TEN1: variants seen among roughly 807,000 people sequenced by gnomAD.
The protein encoded by TEN1 is CST complex subunit TEN1.
Under a neutral mutation model 9.3 loss-of-function variants are expected in TEN1, and 6 were observed. The observed-to-expected ratio is 0.65, with a 90% CI of 0.35 to 1.27. The LOEUF (loss-of-function observed/expected upper bound fraction) is 1.27, where lower values mean the gene tolerates loss of function less well. Among genes scored for constraint, TEN1 ranks in the 50% most tolerant of loss-of-function variants. TEN1 has a pLI of 0.03. For synonymous variants in TEN1, 65 were observed against 65.6 expected, an observed-to-expected ratio of 0.99 and a Z score of 0.04; for missense variants, 149 against 158.2, an observed-to-expected ratio of 0.94 and a Z score of 0.31.
intron 1 of TEN1, among the ~76,000 whole-genome samples, chr17:75,982,957 C>T (rs1160800837): frequency 6.9e-5 from 10 of 144,444 alleles, no homozygotes; most frequent in South Asian, 2.4e-4. Context: ...GTGATCTGCC[C>T]GCCTTGGCTC....
chr17:75,998,254 A>C (rs1598217915), intron 3 of TEN1, among the ~76,000 whole-genome samples: 1 of 122,078 alleles, frequency 8.2e-6, no homozygotes, highest in African/African-American at 3.3e-5. Context: ...TGCGACATCC[A>C]CCTCCCCGGT....
intron 3 of TEN1, among the ~76,000 whole-genome samples, chr17:75,995,149 A>T (rs1051314587): frequency 6.6e-6 from 1 of 151,450 alleles, no homozygotes; most frequent in Non-Finnish European, 1.5e-5. Flanking sequence ...TGAGTCCAGG[A>T]GTTCAAGGTT....
intron 3 of TEN1, among the ~76,000 whole-genome samples, chr17:75,997,806 G>A (rs2066226424): frequency 6.6e-6 from 1 of 151,226 alleles, no homozygotes; most frequent in South Asian, 2.1e-4. Context: ...ACTGCATTCT[G>A]ACTGCTTTTT....
chr17:75,979,580 C>G (rs1216829681), intron 1 of TEN1, 69 bp downstream of exon 1: 2 of 242,338 alleles, frequency 8.3e-6, no homozygotes, highest in East Asian at 1.2e-4. Context: ...CACTTGCCCC[C>G]CTCTTACCCC....
intron 3 of TEN1, among the ~76,000 whole-genome samples, chr17:75,993,573 G>A (rs372663837): frequency 3.9e-4 from 59 of 152,298 alleles, no homozygotes; most frequent in African/African-American, 1.3e-3. Flanking sequence ...GGAGGGACCC[G>A]CCAGCAGTGC....
intron 3 of TEN1, among the ~76,000 whole-genome samples, chr17:75,994,135 T>C (rs1027845074): frequency 6.6e-6 from 1 of 151,172 alleles, no homozygotes; most frequent in Admixed American, 6.6e-5. Flanking sequence ...GTGGGGTTTT[T>C]TCTTAAAACA....
intron 1 of TEN1, among the ~76,000 whole-genome samples, chr17:75,981,705 A>G (rs1295135565): frequency 6.6e-6 from 1 of 151,726 alleles, no homozygotes; most frequent in Non-Finnish European, 1.5e-5. Context: ...CATAGAAAAC[A>G]GAGTCATTTA....
intron 1 of TEN1, 40 bp downstream of exon 1, chr17:75,979,551 T>C: frequency 3.5e-6 from 1 of 283,208 alleles, no homozygotes; most frequent in Non-Finnish European, 7.0e-6. Context: ...ACAACGAGGC[T>C]GAGGAGGGAT....
chr17:75,992,627 C>G (rs1031941097), intron 3 of TEN1, among the ~76,000 whole-genome samples: 2 of 151,566 alleles, frequency 1.3e-5, no homozygotes, highest in African/African-American at 4.9e-5. Flanking sequence ...ATTCTCCTGC[C>G]TCAGCCTCCC....
rs377039339 is a variant in TEN1 at position 76,000,246 on chromosome 17, G to A, written c.356G>A (p.Arg119Gln). The A allele has an allele frequency of 1.4e-5, 21 of 1,551,046 alleles. No individual in the cohort carries two copies. The highest frequency in any genetic ancestry group is 4.9e-5 in the East Asian group (2 of 40,916). ...GAGCAGAGACTGTACAAGCAGGAGC[G>A]GGGCGGCAGCCAGTAGGAAACAGCA... Reference protein sequence around the residue: ...IREQRLYKQERGGSQ With the variant: ...IREQRLYKQEQGGSQ The change falls in exon 4 of 4, where the codon CGG becomes CAG. Residue 119 changes from arginine (R) to glutamine (Q), a missense_variant. Transcript: ENST00000397640. This position sits in a 1 kb window ranked among gnomAD's most constrained non-coding sequence, Gnocchi z 5.9.
chr17:75,982,433 G>A (rs547137486), intron 1 of TEN1, among the ~76,000 whole-genome samples: 29 of 152,290 alleles, frequency 1.9e-4, no homozygotes, highest in Non-Finnish European at 4.3e-4. Flanking sequence ...AAACTTCAGA[G>A]GGCCCCTTGG....
At chr17:75,988,574 A>G (rs1249580639) in intron 2 of TEN1, among the ~76,000 whole-genome samples, 2 of 149,320 alleles carry the variant, frequency 1.3e-5, no homozygotes, top group Non-Finnish European at 1.5e-5. Context: ...AAAAAAAAAA[A>G]AAAAAAAAAA....
At chr17:75,995,989 G>A (rs920144755) in intron 3 of TEN1, among the ~76,000 whole-genome samples, 1 of 152,190 alleles carries the variant, frequency 6.6e-6, no homozygotes, top group Middle Eastern at 3.2e-3. Context: ...CTACTTGGGA[G>A]GCTGAGGCAG....
At chr17:75,999,049 G>GA (rs573531289) in intron 3 of TEN1, among the ~76,000 whole-genome samples, 35 of 147,622 alleles carry the variant, frequency 2.4e-4, no homozygotes, top group Middle Eastern at 3.5e-3. Flanking sequence ...AAAAAAGAAA[G>GA]AAAAAAAAAA....
intron 1 of TEN1, among the ~76,000 whole-genome samples, chr17:75,981,363 C>G (rs2066118175): frequency 6.6e-6 from 1 of 151,850 alleles, no homozygotes; most frequent in Non-Finnish European, 1.5e-5. Flanking sequence ...ATTTTTGTGT[C>G]TTTATTAGAG....
At chr17:75,981,347 TGGCTAATTTTTGTGTCTTTA>T (rs1260207201) in intron 1 of TEN1, among the ~76,000 whole-genome samples, 3 of 152,036 alleles carry the variant, frequency 2.0e-5, no homozygotes, top group Non-Finnish European at 4.4e-5. Context: ...CTACCACACT[TGGCTAATTTTTGTGTCTTTA>T]TTAGAGGCAG....
At chr17:75,986,312 G>C (rs1457431723) in intron 2 of TEN1, 28 bp downstream of exon 2, 1 of 1,520,386 alleles carries the variant, frequency 6.6e-7, no homozygotes, top group South Asian at 1.2e-5. Flanking sequence ...TTTCACTGGT[G>C]GGGGTGATGA....
chr17:75,996,442 AC>A (rs1385243284), intron 3 of TEN1, among the ~76,000 whole-genome samples: 1 of 151,948 alleles, frequency 6.6e-6, no homozygotes, highest in Admixed American at 6.6e-5. Flanking sequence ...CTGAGATCAC[AC>A]CATTGCACTC....
chr17:75,986,331 A>G (rs2066152364), intron 2 of TEN1, 47 bp downstream of exon 2: 1 of 1,432,862 alleles, frequency 7.0e-7, no homozygotes. Context: ...GATATGTTAA[A>G]TGTCTTTCTC....
Sources: gnomAD v4.1 joint callset for allele counts (sites outside exome capture counted in the v4.1 genomes callset) on GRCh38, gnomAD v4.1.1 for gene constraint, Gnocchi (gnomAD v3.1) non-coding constraint, MANE v1.5 for transcripts, NCBI Gene and HGNC (gene_info 2026-07-23, HGNC 2026-07-21) for gene names.